The following ALK variants were observed in gnomAD, a reference collection of about 807,000 sequenced individuals.
ALK encodes the protein ALK tyrosine kinase receptor.
In ALK, 74 loss-of-function variants were observed where a neutral mutation model predicts 163.1. The ratio of observed to expected loss-of-function variants is 0.45; its 90% CI spans 0.38 to 0.55. ALK has a LOEUF of 0.55. Ranked by LOEUF, ALK falls within the 20% of genes least tolerant of loss-of-function variation. The pLI is 0.00. For synonymous variants in ALK, 960 were observed against 843.2 expected, an observed-to-expected ratio of 1.14 and a Z score of -2.40; for missense variants, 2,063 against 2,105.3, an observed-to-expected ratio of 0.98 and a Z score of 0.39.
rs553009127 is a variant in ALK, at chr2:29,285,563, G to A, written c.1818-10067C>T. ...TGTGAGCCATGGTGCCTGGCCCTCA[G>A]TGGCTCTTTTTTTTTTTGGAATGGA... is the stretch of plus-strand genomic sequence containing the variant. On this transcript the variant is annotated intron_variant, in intron 9 of 28. Transcript: ENST00000389048. Among the ~76,000 whole-genome samples, 30 of 116,142 alleles carry A rather than the reference G, an allele frequency of 2.6e-4. No individual in the cohort carries two copies. In the South Asian group the frequency reaches 0.012, roughly 48 times the overall value. 76.2% of individuals were successfully genotyped at this position (116,142 alleles called of 152,430 possible).
At chr2:29,594,792 G>T in intron 3 of ALK, among the ~76,000 whole-genome samples, 1 of 149,982 alleles carries the variant, frequency 6.7e-6, no homozygotes, top group Non-Finnish European at 1.5e-5. Flanking sequence ...GGAGAAATGG[G>T]TATAGTGTGG....
chr2:29,817,801 A>C (rs1664937662), intron 1 of ALK, among the ~76,000 whole-genome samples: 1 of 152,232 alleles, frequency 6.6e-6, no homozygotes, highest in African/African-American at 2.4e-5. Context: ...GAGCCCCCTG[A>C]TGCGGAAATG....
In ALK at chr2:29,739,022, A is replaced by C. The variant is rs188559762; in HGVS notation, c.668-21325T>G. On this transcript the variant is annotated intron_variant, in intron 1 of 28. Transcript: ENST00000389048. The stretch of plus-strand genomic sequence containing the variant: ...GAAGCCAAGGTAGGAGGATCACTTG[A>C]GACCAGGAGTTCAAGACCAGTCTGG... Among the ~76,000 whole-genome samples, 208 of 151,900 alleles carry C rather than the reference A, an allele frequency of 1.4e-3. 3 individuals carry two copies. The highest frequency in any genetic ancestry group is 4.9e-3 in the African/African-American group (201 of 41,324).
intron 5 of ALK, among the ~76,000 whole-genome samples, chr2:29,335,832 G>C (rs1223522730): frequency 6.6e-6 from 1 of 152,100 alleles, no homozygotes; most frequent in Non-Finnish European, 1.5e-5. Flanking sequence ...TTGTGGTCAG[G>C]AGTTCAAGAC....
intron 4 of ALK, among the ~76,000 whole-genome samples, chr2:29,521,980 G>A (rs1485337384): frequency 1.3e-5 from 2 of 152,216 alleles, no homozygotes; most frequent in Non-Finnish European, 2.9e-5. Context: ...GTGCATCAAA[G>A]CCTTATAACT....
chr2:29,306,997 G>T (rs999433075), intron 8 of ALK, among the ~76,000 whole-genome samples: 1 of 152,236 alleles, frequency 6.6e-6, no homozygotes, highest in African/African-American at 2.4e-5. Context: ...ACCAGTGTTT[G>T]TCATTTTATT....
In ALK at chr2:29,371,365, C is replaced by T. The variant is rs141995952; in HGVS notation, c.1282+12367G>A. On this transcript the variant is annotated intron_variant, in intron 5 of 28. Transcript: ENST00000389048. Reference sequence around the variant, plus strand: ...GCTATGCCCCTCGGCTAGCAAAAGGCTCCCTCACTCCCTGCACAAAGCCCT... The same window carrying T: ...GCTATGCCCCTCGGCTAGCAAAAGGTTCCCTCACTCCCTGCACAAAGCCCT... 1.2e-4 allele frequency among the ~76,000 whole-genome samples: 18 copies of T among 152,378 alleles called. 1 individual carries two copies. The East Asian group carries it at 3.5e-3, about 29-fold the overall frequency.
chr2:29,920,581 G>A lies in ALK; in HGVS notation c.79C>T (p.Gln27Ter). The change falls in exon 1 of 29, where the codon CAG becomes TAG. Residue 27 changes from glutamine (Q) to a stop codon, truncating the protein, a stop_gained. Coordinates refer to ENST00000389048, the MANE Select transcript of ALK (RefSeq NM_004304.5). LOFTEE classifies it high-confidence loss of function. ...AAVGSGMGTG[Q>*]RAGSPAAGPP... ...CCCGCAGCTGGGGAGCCCGCGCGCT[G>A]GCCGGTCCCCATCCCGGAGCCCACA... The A allele has an allele frequency of 6.3e-7, 1 of 1,581,250 alleles. No homozygotes were observed. Among genetic ancestry groups the A allele is most frequent in the Non-Finnish European group, 8.6e-7 (1 of 1,168,650 alleles).
intron 1 of ALK, among the ~76,000 whole-genome samples, chr2:29,787,856 C>T (rs769138815): frequency 3.3e-5 from 5 of 151,624 alleles, no homozygotes; most frequent in Admixed American, 6.6e-5. Flanking sequence ...ATCAAAATCA[C>T]CAATAATCTT....
intron 1 of ALK, among the ~76,000 whole-genome samples, chr2:29,773,289 T>C (rs1011063864): frequency 3.9e-5 from 6 of 152,030 alleles, no homozygotes; most frequent in Non-Finnish European, 8.8e-5. Flanking sequence ...TGTTCAACAC[T>C]TACCAGCACA....
At chr2:29,785,218 G>T (rs1354477564) in intron 1 of ALK, among the ~76,000 whole-genome samples, 1 of 152,030 alleles carries the variant, frequency 6.6e-6, no homozygotes, top group Non-Finnish European at 1.5e-5. Context: ...GGTACAAGGA[G>T]TTAGACACAA....
chr2:29,765,071 T>C (rs115043977), intron 1 of ALK, among the ~76,000 whole-genome samples: 12,292 of 152,214 alleles, frequency 0.081, 1,697 homozygotes, highest in African/African-American at 0.28. Context: ...TGCTTTCTGC[T>C]ATGATTATAA....
rs189612826 is a variant in ALK, at chr2:29,555,222, C to A, written c.953-23106G>T. Among the ~76,000 whole-genome samples, 483 of 152,186 alleles carry A rather than the reference C, an allele frequency of 3.2e-3. 1 individual carries two copies. The highest frequency in any genetic ancestry group is 0.011 in the African/African-American group (446 of 41,532). On this transcript the variant is annotated intron_variant, in intron 3 of 28. Transcript: ENST00000389048. Reference sequence around the variant, plus strand: ...GGACCCCTTTCCTGTAACACTACCCCCTCAGATGGCCATGTCTCTCCAATT... The same window carrying A: ...GGACCCCTTTCCTGTAACACTACCCACTCAGATGGCCATGTCTCTCCAATT...
intron 3 of ALK, among the ~76,000 whole-genome samples, chr2:29,678,158 T>G (rs1350081881): frequency 6.6e-6 from 1 of 152,014 alleles, no homozygotes; most frequent in Non-Finnish European, 1.5e-5. Flanking sequence ...GTCCCTCATT[T>G]ATTCCTGAAT....
At chr2:29,269,110 T>G (rs1366871209) in intron 11 of ALK, among the ~76,000 whole-genome samples, 2 of 152,184 alleles carry the variant, frequency 1.3e-5, no homozygotes, top group African/African-American at 4.8e-5. Flanking sequence ...GATGCTATAT[T>G]GCTTCCTGAT....
Position 29,630,288 on chromosome 2 carries a change from A to G in ALK, c.952+64562T>C, listed in dbSNP as rs141085273. On this transcript the variant is annotated intron_variant, in intron 3 of 28. Transcript: ENST00000389048. ...ATAAAAGTTCCTCCTCCTTGCAAAG[A>G]AAGAGGAGAGTAAAGAAATAGCTAA... 1.5e-3 allele frequency among the ~76,000 whole-genome samples: 235 copies of G among 152,330 alleles called. 1 individual carries two copies. The highest frequency in any genetic ancestry group is 3.9e-3 in the African/African-American group (163 of 41,576).
intron 12 of ALK, among the ~76,000 whole-genome samples, chr2:29,242,589 T>C (rs558956492): frequency 6.6e-6 from 1 of 152,022 alleles, no homozygotes; most frequent in South Asian, 2.1e-4. Context: ...GATGGTGGGG[T>C]GGGATGGAAA....
chr2:29,231,236 G>A (rs1363838757), intron 15 of ALK, among the ~76,000 whole-genome samples: 1 of 152,200 alleles, frequency 6.6e-6, no homozygotes, highest in Non-Finnish European at 1.5e-5. Flanking sequence ...TACTCGGGAG[G>A]CTGAGGCAGG....
intron 5 of ALK, among the ~76,000 whole-genome samples, chr2:29,373,276 C>T (rs1014503939): frequency 2.1e-4 from 32 of 152,026 alleles, no homozygotes; most frequent in African/African-American, 6.5e-4. Flanking sequence ...TATTTATAAG[C>T]GGTAACAACA....
Sources: allele counts gnomAD v4.1 joint callset (sites outside exome capture counted in the v4.1 genomes callset), GRCh38; gene constraint gnomAD v4.1.1; transcripts MANE v1.5; gene names NCBI Gene and HGNC (gene_info 2026-07-23, HGNC 2026-07-21).